DNAJC3: variants seen among roughly 807,000 people sequenced by gnomAD.
The protein encoded by DNAJC3 is dnaJ homolog subfamily C member 3.
A neutral mutation model predicts 68.6 loss-of-function variants in DNAJC3; 38 were observed. The ratio of observed to expected loss-of-function variants is 0.55; its 90% CI spans 0.43 to 0.73. The LOEUF is 0.73. DNAJC3 is among the 30% of genes least tolerant of loss of function. The probability of loss-of-function intolerance (pLI) is 0.00; values close to 1 mark genes in which losing one functional copy is unlikely to be tolerated. For synonymous variants in DNAJC3, 203 were observed against 204.0 expected, an observed-to-expected ratio of 1.00 and a Z score of 0.04; for missense variants, 526 against 591.9, an observed-to-expected ratio of 0.89 and a Z score of 1.16.
intron 4 of DNAJC3, among the ~76,000 whole-genome samples, chr13:95,731,762 G>C (rs1378491975): frequency 6.6e-6 from 1 of 151,818 alleles, no homozygotes; most frequent in East Asian, 1.9e-4. Context: ...GCCTCAACCT[G>C]CTGGGCTCAG....
intron 9 of DNAJC3, among the ~76,000 whole-genome samples, chr13:95,782,256 A>G (rs1363534838): frequency 1.3e-5 from 2 of 152,220 alleles, no homozygotes; most frequent in Non-Finnish European, 2.9e-5. Flanking sequence ...CAGTGCTGCA[A>G]TAAACATACC....
At chr13:95,773,152 G>GTTTTTTTTTTTTTTTTTTTTTTTTTTT (rs1191609072) in intron 9 of DNAJC3, among the ~76,000 whole-genome samples, 1 of 97,822 alleles carries the variant, frequency 1.0e-5, no homozygotes, top group Non-Finnish European at 2.1e-5. Context: ...GACAAATTTA[G>GTTTTTTTTTTTTTTTTTTTTTTTTTTT]TTTTTTTTTT....
intron 4 of DNAJC3, among the ~76,000 whole-genome samples, chr13:95,731,592 A>G (rs1427354360): frequency 6.6e-6 from 1 of 152,190 alleles, no homozygotes; most frequent in Non-Finnish European, 1.5e-5. Context: ...CATGTGATGT[A>G]TCACATACTG....
At chr13:95,744,195 T>A (rs1052464078) in intron 4 of DNAJC3, among the ~76,000 whole-genome samples, 9 of 152,210 alleles carry the variant, frequency 5.9e-5, no homozygotes, top group Non-Finnish European at 7.3e-5. Flanking sequence ...TACATTTTTT[T>A]AAAAAGTGTA....
At chr13:95,764,387 A>G (rs1882915195) in intron 9 of DNAJC3, among the ~76,000 whole-genome samples, 1 of 149,004 alleles carries the variant, frequency 6.7e-6, no homozygotes, top group Non-Finnish European at 1.5e-5. Flanking sequence ...ATATATATAT[A>G]TATATATACT....
chr13:95,748,765 G>C (rs1222507966), intron 4 of DNAJC3, among the ~76,000 whole-genome samples: 1 of 152,160 alleles, frequency 6.6e-6, no homozygotes, highest in Non-Finnish European at 1.5e-5. Flanking sequence ...GCAGTGAGCT[G>C]AGATTGCACC....
rs1882890526 is a variant in DNAJC3 at position 95,763,690 on chromosome 13, C to A, written c.896C>A (p.Pro299Gln). 1 of 1,613,836 alleles carries A rather than the reference C, an allele frequency of 6.2e-7. No homozygotes were observed. Among genetic ancestry groups the A allele is most frequent in the Admixed American group, 1.7e-5 (1 of 60,000 alleles). ...SKYESVMKTEPSIAEYTVRSK... is the reference protein window; with the variant it reads ...SKYESVMKTEQSIAEYTVRSK... ...TATGAATCTGTCATGAAAACAGAGC[C>A]AAGCATTGCTGAATATACAGTTCGT... Residue 299 changes from proline (P) to glutamine (Q), a missense_variant, in exon 8 of 12, where the codon CCA becomes CAA. Physicochemically the swap from Pro to Gln is moderately conservative, Grantham distance 76. Transcript: ENST00000602402.
At chr13:95,775,754 G>C (rs1432844225) in intron 9 of DNAJC3, among the ~76,000 whole-genome samples, 1 of 152,152 alleles carries the variant, frequency 6.6e-6, no homozygotes, top group Non-Finnish European at 1.5e-5. Flanking sequence ...TAGAGAAGGA[G>C]ATGCAATCAT....
At chr13:95,701,983 G>T (rs1880596832) in intron 1 of DNAJC3, among the ~76,000 whole-genome samples, 1 of 152,018 alleles carries the variant, frequency 6.6e-6, no homozygotes, top group South Asian at 2.1e-4. Context: ...TAATACATTT[G>T]TTTTAACACA....
chr13:95,787,588 T>A (rs1281819142), intron 11 of DNAJC3, among the ~76,000 whole-genome samples: 1 of 151,886 alleles, frequency 6.6e-6, no homozygotes, highest in Non-Finnish European at 1.5e-5. Context: ...CTGTCTGGCC[T>A]AGGGCCTGCT....
Position 95,790,919 on chromosome 13 carries a change from G to C in DNAJC3, c.1404G>C (p.Glu468Asp), listed in dbSNP as rs756344666. ...ACGGAGAAGATCCTTTGGATGCAGA[G>C]AGCCAGCAAGGAGGCGGCGGCAACC... Reference protein sequence around the residue: ...FDDGEDPLDAESQQGGGGNPF... With the variant: ...FDDGEDPLDADSQQGGGGNPF... The change falls in exon 12 of 12, where the codon GAG becomes GAC. Residue 468 changes from glutamate (E) to aspartate (D), a missense_variant. Glu to Asp is a conservative substitution (Grantham distance 45, BLOSUM62 2). Coordinates refer to ENST00000602402, the MANE Select transcript of DNAJC3 (RefSeq NM_006260.5). 10 of 1,607,722 alleles carry C rather than the reference G, an allele frequency of 6.2e-6. No homozygotes were observed. The highest frequency in any genetic ancestry group is 1.7e-4 in the Middle Eastern group (1 of 6,046).
At chr13:95,702,361 T>C (rs1219449124) in intron 1 of DNAJC3, among the ~76,000 whole-genome samples, 2 of 152,216 alleles carry the variant, frequency 1.3e-5, no homozygotes, top group African/African-American at 2.4e-5. Flanking sequence ...GAGAAATGCG[T>C]TGGCTACTTA....
At chr13:95,709,434 A>G (rs1880876923) in intron 2 of DNAJC3, 97 bp downstream of exon 2, 1 of 839,184 alleles carries the variant, frequency 1.2e-6, no homozygotes, top group South Asian at 2.0e-5. Context: ...ACATTATTTC[A>G]TGTTTAAATA....
At chr13:95,712,942 C>G (rs1033136116) in intron 2 of DNAJC3, among the ~76,000 whole-genome samples, 6 of 152,100 alleles carry the variant, frequency 3.9e-5, no homozygotes. Context: ...TACCCCCATG[C>G]TGTTCTCATG....
intron 9 of DNAJC3, among the ~76,000 whole-genome samples, chr13:95,769,371 G>A (rs558425220): frequency 3.3e-5 from 5 of 152,270 alleles, no homozygotes; most frequent in African/African-American, 1.2e-4. Flanking sequence ...TTCTGTTTAT[G>A]TGGAGGACAA....
chr13:95,768,477 A>G (rs151081612), intron 9 of DNAJC3, among the ~76,000 whole-genome samples: 244 of 152,344 alleles, frequency 1.6e-3, no homozygotes, highest in African/African-American at 5.4e-3. Flanking sequence ...TAGTAATATC[A>G]ATAATTCTGT....
At chr13:95,784,056 C>G (rs1247366634) in intron 9 of DNAJC3, among the ~76,000 whole-genome samples, 2 of 152,200 alleles carry the variant, frequency 1.3e-5, no homozygotes, top group African/African-American at 4.8e-5. Context: ...CTGTCTCAGT[C>G]TTAGGCCAAT....
Position 95,790,933 on chromosome 13 carries a change from G to A in DNAJC3, c.1418G>A (p.Gly473Asp). 8 of 1,609,420 alleles carry A rather than the reference G, an allele frequency of 5.0e-6. No homozygotes were observed. The highest frequency in any genetic ancestry group is 6.8e-6 in the Non-Finnish European group (8 of 1,178,974). The change falls in exon 12 of 12, where the codon GGC becomes GAC. Residue 473 changes from glycine (G) to aspartate (D), a missense_variant. Transcript: ENST00000602402. Reference sequence around the variant, plus strand: ...TTGGATGCAGAGAGCCAGCAAGGAGGCGGCGGCAACCCTTTCCACAGAAGC... The same window carrying A: ...TTGGATGCAGAGAGCCAGCAAGGAGACGGCGGCAACCCTTTCCACAGAAGC... Reference protein sequence around the residue: ...DPLDAESQQGGGGNPFHRSWN... With the variant: ...DPLDAESQQGDGGNPFHRSWN...
At position 95,748,418 on chromosome 13, in the gene DNAJC3, A is replaced by G. The variant is rs146187784; in HGVS notation, c.394-9226A>G. ...GTAAACAATTCAAACTAACATAATT[A>G]TATCTATTATACATCAAAATAACTG... On this transcript the variant is annotated intron_variant, in intron 4 of 11. Coordinates refer to ENST00000602402, the MANE Select transcript of DNAJC3 (RefSeq NM_006260.5). 2.2e-3 allele frequency among the ~76,000 whole-genome samples: 329 copies of G among 152,340 alleles called. 5 individuals carry two copies. The highest frequency in any genetic ancestry group is 7.5e-3 in the African/African-American group (313 of 41,572).
Sources: gnomAD v4.1 joint callset for allele counts (sites outside exome capture counted in the v4.1 genomes callset) on GRCh38, gnomAD v4.1.1 for gene constraint, MANE v1.5 for transcripts, NCBI Gene and HGNC (gene_info 2026-07-23, HGNC 2026-07-21) for gene names.